Variants in KANSL1L observed in about 807,000 individuals in gnomAD.
The protein encoded by KANSL1L is KAT8 regulatory NSL complex subunit 1 like, also known as KAT8 regulatory NSL complex subunit 1-like protein.
KANSL1L carries 25 observed loss-of-function variants against 108.6 expected under a neutral mutation model. The observed-to-expected ratio is 0.23, with a 90% CI of 0.17 to 0.32. The LOEUF is 0.32. Ranked by LOEUF, KANSL1L falls within the 10% of genes least tolerant of loss-of-function variation. The pLI is 1.00. For synonymous variants in KANSL1L, 405 were observed against 395.1 expected (o/e 1.03, Z -0.30); for missense variants, 1,137 against 1,125.7 (o/e 1.01, Z -0.14).
chr2:210,035,971 T>C (rs1008129991), intron 8 of KANSL1L, among the ~76,000 whole-genome samples: 1 of 152,152 alleles, frequency 6.6e-6, no homozygotes, highest in South Asian at 2.1e-4. Context: ...TCTAACAATA[T>C]CCCCGAAGTA....
At chr2:210,168,124 G>A (rs530027413) in intron 1 of KANSL1L, among the ~76,000 whole-genome samples, 5 of 152,146 alleles carry the variant, frequency 3.3e-5, no homozygotes, top group African/African-American at 1.2e-4. Context: ...TCAGCTTTAA[G>A]GATAGCGATA....
At chr2:210,104,393 C>CT in intron 3 of KANSL1L, 92 bp from the exon 4 acceptor site, 1 of 856,664 alleles carries the variant, frequency 1.2e-6, no homozygotes, top group Non-Finnish European at 1.8e-6. Context: ...TATGCTTCCA[C>CT]TTATCTCTTG....
At chr2:210,028,800 T>C in intron 11 of KANSL1L, 45 bp downstream of exon 11, 3 of 1,373,304 alleles carry the variant, frequency 2.2e-6, no homozygotes, top group East Asian at 2.4e-5. Context: ...TTTAAGTTTA[T>C]TAGGGAAGGA....
chr2:210,078,698 A>G (rs1037289647), intron 5 of KANSL1L, among the ~76,000 whole-genome samples: 3 of 152,202 alleles, frequency 2.0e-5, no homozygotes, highest in Admixed American at 1.3e-4. Flanking sequence ...CGGCCCAATC[A>G]ATTAACCTCA....
intron 5 of KANSL1L, among the ~76,000 whole-genome samples, chr2:210,082,423 T>C (rs2094597734): frequency 6.6e-6 from 1 of 152,214 alleles, no homozygotes; most frequent in Non-Finnish European, 1.5e-5. Flanking sequence ...ATCTTCAGCA[T>C]AGGAGTGTGA....
chr2:210,132,706 C>G (rs1341247634), intron 2 of KANSL1L, among the ~76,000 whole-genome samples: 1 of 152,162 alleles, frequency 6.6e-6, no homozygotes, highest in Non-Finnish European at 1.5e-5. Flanking sequence ...TTACTGTTTG[C>G]TAGACCCTAT....
At chr2:210,161,538 C>A (rs1167157094) in intron 1 of KANSL1L, among the ~76,000 whole-genome samples, 1 of 152,002 alleles carries the variant, frequency 6.6e-6, no homozygotes, top group Non-Finnish European at 1.5e-5. Flanking sequence ...AGATATGACA[C>A]CAAAAGCATT....
chr2:210,032,715 CAA>C (rs1333707136), intron 8 of KANSL1L: 15 of 152,176 alleles, frequency 9.9e-5, no homozygotes, highest in Admixed American at 9.8e-4. Context: ...CCCTTCCCAT[CAA>C]AAGTGTCCCA....
In KANSL1L at chr2:210,098,165, G is replaced by A. The variant is rs759530511; in HGVS notation, c.1471C>T (p.Leu491Phe). The A allele has an allele frequency of 3.7e-6, 6 of 1,612,622 alleles. No individual in the cohort carries two copies. The South Asian group carries it at 6.6e-5, about 18-fold the overall frequency. Residue 491 changes from leucine to phenylalanine, a missense_variant, in exon 5 of 15, where the codon CTC (leucine) becomes TTC (phenylalanine). By Grantham distance (22) the Leu-to-Phe change is conservative (BLOSUM62 0). Coordinates refer to ENST00000281772, the MANE Select transcript of KANSL1L (RefSeq NM_152519.4). ...GGTGATGAAGTTGGGGACAAGTTGA[G>A]AGGGGCAATCAAACTGTTGATGATC... ...TEIINSLIAPLNLSPTSSPLS... is the reference protein window; with the variant it reads ...TEIINSLIAPFNLSPTSSPLS...
At chr2:210,096,523 C>A in intron 5 of KANSL1L, 1 of 984,848 alleles carries the variant, frequency 1.0e-6, no homozygotes, top group Non-Finnish European at 1.2e-6. Flanking sequence ...CATGAACACA[C>A]ACATGTAACT....
intron 4 of KANSL1L, among the ~76,000 whole-genome samples, chr2:210,098,674 T>C (rs2125409761): frequency 6.6e-6 from 1 of 152,088 alleles, no homozygotes; most frequent in East Asian, 1.9e-4. Flanking sequence ...ACAGAACAGA[T>C]GAGTAAATTC....
intron 6 of KANSL1L, chr2:210,064,142 G>C (rs954618018): frequency 6.6e-6 from 1 of 152,174 alleles, no homozygotes; most frequent in African/African-American, 2.4e-5. Flanking sequence ...TGCCATCTAC[G>C]TTAAGACATG....
intron 6 of KANSL1L, among the ~76,000 whole-genome samples, chr2:210,074,929 C>T (rs894821565): frequency 6.6e-6 from 1 of 152,110 alleles, no homozygotes; most frequent in African/African-American, 2.4e-5. Flanking sequence ...CTTTTCATCA[C>T]AGCTGGTTTA....
At chr2:210,142,620 A>G (rs1575607363) in intron 2 of KANSL1L, among the ~76,000 whole-genome samples, 1 of 152,148 alleles carries the variant, frequency 6.6e-6, no homozygotes, top group East Asian at 1.9e-4. Context: ...AAATTTCCTT[A>G]TTAGAACTCC....
chr2:210,112,866 C>G (rs1323149646), intron 3 of KANSL1L, among the ~76,000 whole-genome samples: 1 of 152,114 alleles, frequency 6.6e-6, no homozygotes, highest in Non-Finnish European at 1.5e-5. Context: ...TGAAGACTTG[C>G]AAGTTCAAAG....
At chr2:210,104,026 T>C in intron 4 of KANSL1L, 78 bp downstream of exon 4, 1 of 1,107,920 alleles carries the variant, frequency 9.0e-7, no homozygotes. Flanking sequence ...GATACACATA[T>C]AATGATGTTT....
At chr2:210,066,120 T>G (rs2094465113) in intron 6 of KANSL1L, among the ~76,000 whole-genome samples, 2 of 152,190 alleles carry the variant, frequency 1.3e-5, no homozygotes, top group Admixed American at 6.5e-5. Flanking sequence ...CTGTATCACT[T>G]TAATAAATTA....
At chr2:210,110,248 C>T (rs2094891063) in intron 3 of KANSL1L, among the ~76,000 whole-genome samples, 1 of 152,180 alleles carries the variant, frequency 6.6e-6, no homozygotes, top group Non-Finnish European at 1.5e-5. Flanking sequence ...AATCTTCCTC[C>T]ACTGCACTAA....
Position 210,023,165 on chromosome 2 carries a change from T to C in KANSL1L, c.2748A>G (p.Glu916=). ...QSQETKSLWW[E]RRAFPLKGED... is the part of the protein sequence containing the mutation. ...CACCCTTCAGTGGAAAAGCCCGTCG[T>C]TCCCACCACAAAGACTGAAAGGGGA... Residue 916 remains glutamate, a synonymous_variant, in exon 15 of 15, where the codon GAA becomes GAG. Transcript: ENST00000281772. The C allele has an allele frequency of 6.2e-7, 1 of 1,614,006 alleles. No individual in the cohort carries two copies. The highest frequency in any genetic ancestry group is 8.5e-7 in the Non-Finnish European group (1 of 1,179,882).
Sources: allele counts gnomAD v4.1 joint callset (sites outside exome capture counted in the v4.1 genomes callset), GRCh38; gene constraint gnomAD v4.1.1; transcripts MANE v1.5; gene names NCBI Gene and HGNC (gene_info 2026-07-23, HGNC 2026-07-21).